SLFN13: variants seen among roughly 807,000 people sequenced by gnomAD.
SLFN13 encodes the protein schlafen-13.
A neutral mutation model predicts 50.6 loss-of-function variants in SLFN13; 43 were observed. The observed-to-expected ratio is 0.85, with a 90% CI of 0.67 to 1.09. SLFN13 has a LOEUF of 1.09. Ranked by LOEUF, SLFN13 falls within the 50% of genes least tolerant of loss-of-function variation. The probability of loss-of-function intolerance (pLI) is 0.00; values close to 1 mark genes in which losing one functional copy is unlikely to be tolerated. For synonymous variants in SLFN13, 339 were observed against 386.5 expected, an observed-to-expected ratio of 0.88 and a Z score of 1.44; for missense variants, 881 against 1,071.1, an observed-to-expected ratio of 0.82 and a Z score of 2.48.
rs913845193 is a variant in SLFN13, at chr17:35,437,687, A to G, written c.*2908T>C. ...AGACTACAAGGACAGATCTGTGAGC[A>G]TTCCTGGAATTCTCAGAAATCTTAA... On this transcript the variant is annotated 3_prime_UTR_variant, in exon 6 of 6. Transcript: ENST00000285013. 6.6e-6 allele frequency: 1 copy of G among 152,152 alleles called. No homozygotes were observed. Among genetic ancestry groups the G allele is most frequent in the East Asian group, 1.9e-4 (1 of 5,198 alleles). The allele number at this position is 152,152 out of a possible 1,614,324, so 9.4% of individuals were successfully genotyped here.
intron 1 of SLFN13, among the ~76,000 whole-genome samples, chr17:35,448,042 A>ATATTATTAT (rs11275064): frequency 0.012 from 1,725 of 146,766 alleles, 23 homozygotes; most frequent in African/African-American, 0.026. Flanking sequence ...TATTAGTATT[A>ATATTATTAT]TATTATTATT....
In SLFN13 at chr17:35,439,480, T is replaced by TTTC. The variant is rs3056654; in HGVS notation, c.*1112_*1114dup. 91,775 of 151,294 alleles carry TTTC rather than the reference T, an allele frequency of 0.61. 29,268 individuals carry two copies. Among genetic ancestry groups the TTTC allele is most frequent in the African/African-American group, 0.81 (33,224 of 41,212 alleles). The allele number at this position is 151,294 out of a possible 1,614,324, so 9.4% of individuals were successfully genotyped here. On this transcript the variant is annotated 3_prime_UTR_variant, in exon 6 of 6. Coordinates refer to ENST00000285013, the MANE Select transcript of SLFN13 (RefSeq NM_144682.6). The stretch of plus-strand genomic sequence containing the variant: ...AACAACATAAACTCACTGCATTTTT[T>TTTC]TTCTTCTTCTTCTTTTTGAGACAGT...
chr17:35,447,256 C>G lies in SLFN13; in HGVS notation c.-14+12G>C, dbSNP rs963847673. On this transcript the variant is annotated intron_variant, in intron 2 of 5. Coordinates refer to ENST00000285013, the MANE Select transcript of SLFN13 (RefSeq NM_144682.6). The stretch of plus-strand genomic sequence containing the variant: ...AATTGAGAATTCAGGTGAAAAAAAT[C>G]AGGAAGCTTACCAATATATTTAACA... The G allele has an allele frequency of 3.9e-5, 6 of 152,176 alleles. No individual in the cohort carries two copies. Among genetic ancestry groups the G allele is most frequent in the Non-Finnish European group, 7.3e-5 (5 of 68,028 alleles). 9.4% of individuals were successfully genotyped at this position (152,176 alleles called of 1,614,324 possible).
chr17:35,448,886 G>C (rs1352413963), upstream of SLFN13: 1 of 152,406 alleles, frequency 6.6e-6, no homozygotes, highest in South Asian at 2.1e-4. Context: ...CAATGGGAGT[G>C]TCTACAAAGC....
In SLFN13 at chr17:35,440,812, A is replaced by G. The variant is rs1220652943; in HGVS notation, c.2477T>C (p.Leu826Pro). Residue 826 changes from leucine to proline, a missense_variant, in exon 6 of 6, where the codon CTC becomes CCC. Leu to Pro is a moderately conservative substitution (Grantham distance 98). Transcript: ENST00000285013. Reference protein sequence around the residue: ...VTEVEQYQSKLLKAMRKKMVV... With the variant: ...VTEVEQYQSKPLKAMRKKMVV... ...CATTTTCTTCCTCATTGCTTTCAAG[A>G]GCTTAGACTGATACTGCTCCACTTC... 2 of 1,613,990 alleles carry G rather than the reference A, an allele frequency of 1.2e-6. No homozygotes were observed. Among genetic ancestry groups the G allele is most frequent in the Non-Finnish European group, 1.7e-6 (2 of 1,180,014 alleles).
At chr17:35,444,053 T>C (rs1043526195) in intron 3 of SLFN13, 133 bp from the exon 4 acceptor site, 74 of 788,310 alleles carry the variant, frequency 9.4e-5, no homozygotes, top group Non-Finnish European at 1.2e-4. Context: ...CTTTACCCTT[T>C]CTTGACTCTA....
At position 35,447,416 on chromosome 17, in the gene SLFN13, T is replaced by C. The variant is rs1267174795; in HGVS notation, c.-160-2A>G. 6.6e-6 allele frequency: 1 copy of C among 152,218 alleles called. No homozygotes were observed. The highest frequency in any genetic ancestry group is 1.5e-5 in the Non-Finnish European group (1 of 68,030). 9.4% of individuals were successfully genotyped at this position (152,218 alleles called of 1,614,324 possible). A position where few individuals can be genotyped will look rare whatever the true frequency, so the allele number is the denominator to read the frequency against. On this transcript the variant is annotated splice_acceptor_variant, in intron 1 of 5. Transcript: ENST00000285013. LOFTEE classifies it low-confidence loss of function (5UTR_SPLICE). ...CCACCAAAATCAGTCCTGAAAGACC[T>C]GTATGCAGAAACATGTAGAGAGAGG... is the stretch of plus-strand genomic sequence containing the variant.
At position 35,443,924 on chromosome 17, in the gene SLFN13, A is replaced by T. The variant is rs761664516; in HGVS notation, c.1067-4T>A. ...TCAGCAAAGTCTGGAGGAAACTCTG[A>T]AAGAAAGAACATTTTAATTTACACT... On this transcript the variant is annotated splice_polypyrimidine_tract_variant and splice_region_variant and intron_variant, in intron 3 of 5. Coordinates refer to ENST00000285013, the MANE Select transcript of SLFN13 (RefSeq NM_144682.6). 30 of 1,612,232 alleles carry T rather than the reference A, an allele frequency of 1.9e-5. No individual in the cohort carries two copies. In the South Asian group the frequency reaches 3.2e-4, roughly 17 times the overall value.
intron 4 of SLFN13, among the ~76,000 whole-genome samples, chr17:35,443,103 T>C (rs1468715942): frequency 1.3e-5 from 2 of 152,234 alleles, no homozygotes; most frequent in Admixed American, 6.5e-5. Context: ...ATATGTTCAA[T>C]GTATGAAGTT....
chr17:35,440,076 T>A lies in SLFN13; in HGVS notation c.*519A>T. On this transcript the variant is annotated 3_prime_UTR_variant, in exon 6 of 6. Coordinates refer to ENST00000285013, the MANE Select transcript of SLFN13 (RefSeq NM_144682.6). ...GACAGTGACTGAATTATCTTGGGAC[T>A]CTCCCAAGCCCTAAATGAATACAGC... 1 of 154,216 alleles carries A rather than the reference T, an allele frequency of 6.5e-6. No individual in the cohort carries two copies. Among genetic ancestry groups the A allele is most frequent in the South Asian group, 2.0e-4 (1 of 4,900 alleles). 9.6% of individuals were successfully genotyped at this position (154,216 alleles called of 1,614,324 possible). A position where few individuals can be genotyped will look rare whatever the true frequency, so the allele number is the denominator to read the frequency against.
chr17:35,443,721 G>C, intron 4 of SLFN13, 68 bp downstream of exon 4: 1 of 1,523,346 alleles, frequency 6.6e-7, no homozygotes, highest in Non-Finnish European at 9.0e-7. Flanking sequence ...ATCTTTCATG[G>C]ATTTGTTTTC....
In SLFN13 at chr17:35,447,328, C is replaced by A. The variant is rs1913262990; in HGVS notation, c.-74G>T. 1 of 152,170 alleles carries A rather than the reference C, an allele frequency of 6.6e-6. No individual in the cohort carries two copies. The highest frequency in any genetic ancestry group is 6.5e-5 in the Admixed American group (1 of 15,278). The allele number at this position is 152,170 out of a possible 1,614,324, so 9.4% of individuals were successfully genotyped here. A position where few individuals can be genotyped will look rare whatever the true frequency, so the allele number is the denominator to read the frequency against. ...TTTACAGAATAACTTTGCTAGAATT[C>A]CTTTCTTAATGTAACCAGACTTCCC... On this transcript the variant is annotated 5_prime_UTR_variant, in exon 2 of 6. Transcript: ENST00000285013.
rs1597800326 is a variant in SLFN13 at position 35,440,556 on chromosome 17, A to G, written c.*39T>C. ...AGCAGACTGTCACCCATAGACATTT[A>G]CACAGTATTTTGGTTTGGAGTTCTT... On this transcript the variant is annotated 3_prime_UTR_variant, in exon 6 of 6. Coordinates refer to ENST00000285013, the MANE Select transcript of SLFN13 (RefSeq NM_144682.6). 2 of 1,604,140 alleles carry G rather than the reference A, an allele frequency of 1.2e-6. No individual in the cohort carries two copies. The highest frequency in any genetic ancestry group is 1.7e-6 in the Non-Finnish European group (2 of 1,172,838).
rs1312585160 is a variant in SLFN13 at position 35,437,004 on chromosome 17, T to C, written c.*3591A>G. 1 of 152,078 alleles carries C rather than the reference T, an allele frequency of 6.6e-6. No individual in the cohort carries two copies. Among genetic ancestry groups the C allele is most frequent in the Non-Finnish European group, 1.5e-5 (1 of 68,016 alleles). The allele number at this position is 152,078 out of a possible 1,614,324, so 9.4% of individuals were successfully genotyped here. ...GATGATGGTACTATAAATGTCCTTT[T>C]AGGAAACACCCACTGAAGTATTTAG... On this transcript the variant is annotated 3_prime_UTR_variant, in exon 6 of 6. Transcript: ENST00000285013.
In SLFN13 at chr17:35,440,677, C is replaced by G. The variant is rs150489784; in HGVS notation, c.2612G>C (p.Arg871Thr). Residue 871 changes from arginine (R) to threonine (T), a missense_variant, in exon 6 of 6, where the codon AGG (arginine) becomes ACG (threonine). Physicochemically the swap from Arg to Thr is moderately conservative, Grantham distance 71. Coordinates refer to ENST00000285013, the MANE Select transcript of SLFN13 (RefSeq NM_144682.6). ...ERSIVFGIHP[R>T]TADPAILPNI... ...GGGTAAGATAGCTGGGTCAGCTGTC[C>G]TTGGATGGATCCCAAACACTATGCT... 5.5e-5 allele frequency: 89 copies of G among 1,614,132 alleles called. No homozygotes were observed. The African/African-American group carries it at 1.1e-3, about 20-fold the overall frequency.
In SLFN13 at chr17:35,440,532, G is replaced by C. The variant is rs894716597; in HGVS notation, c.*63C>G. 6.4e-7 allele frequency: 1 copy of C among 1,556,832 alleles called. No homozygotes were observed. Among genetic ancestry groups the C allele is most frequent in the African/African-American group, 1.4e-5 (1 of 73,622 alleles). On this transcript the variant is annotated 3_prime_UTR_variant, in exon 6 of 6. Transcript: ENST00000285013. ...CTAAAAAGAAAGGTTTCTACCATCA[G>C]CAGACTGTCACCCATAGACATTTAC...
rs967917723 is a variant in SLFN13, at chr17:35,444,889, A to C, written c.792T>G (p.Val264=). The change falls in exon 3 of 6, where the codon GTT becomes GTG. Residue 264 remains valine (V), a synonymous_variant. Coordinates refer to ENST00000285013, the MANE Select transcript of SLFN13 (RefSeq NM_144682.6). ...RKVLGCAKEQ[V]DPDSLKNVIA... ...TTACATTTTTCAAAGAGTCAGGGTCAACCTGTTCTTTGGCACATCCCAGGA... is the reference window on the plus strand; with the variant it reads ...TTACATTTTTCAAAGAGTCAGGGTCCACCTGTTCTTTGGCACATCCCAGGA... The C allele has an allele frequency of 1.2e-6, 2 of 1,614,110 alleles. No homozygotes were observed. The highest frequency in any genetic ancestry group is 1.7e-6 in the Non-Finnish European group (2 of 1,180,040).
chr17:35,442,153 G>A lies in SLFN13; in HGVS notation c.1332C>T (p.Ser444=), dbSNP rs3098957. 210 of 1,611,318 alleles carry A rather than the reference G, an allele frequency of 1.3e-4. 1 individual carries two copies. The highest frequency in any genetic ancestry group is 9.7e-4 in the Admixed American group (58 of 59,876). ...CCTGCAAGTTCAGGTCCACAGCCCA[G>A]CTTCTAGAGAGGATCACAATTCCCT... is the stretch of plus-strand genomic sequence containing the variant. The part of the protein sequence containing the change: ...FSQGIVILSR[S]WAVDLNLQEK... The change falls in exon 5 of 6, where the codon AGC becomes AGT. Residue 444 remains serine, a synonymous_variant. Coordinates refer to ENST00000285013, the MANE Select transcript of SLFN13 (RefSeq NM_144682.6).
At position 35,441,293 on chromosome 17, in the gene SLFN13, C is replaced by T. The variant is rs377450905; in HGVS notation, c.1996G>A (p.Val666Ile). Residue 666 changes from valine (V) to isoleucine (I), a missense_variant, in exon 6 of 6, where the codon GTC becomes ATC. By Grantham distance (29) the Val-to-Ile change is conservative. Transcript: ENST00000285013. ...CGGAAATTCTGAGCTTCGTCAATGACGATGTGTTGAATGTGTTCAAATTTT... is the reference window on the plus strand; with the variant it reads ...CGGAAATTCTGAGCTTCGTCAATGATGATGTGTTGAATGTGTTCAAATTTT... Reference protein sequence around the residue: ...REKFEHIQHIVIDEAQNFRTE... With the variant: ...REKFEHIQHIIIDEAQNFRTE... 13 of 1,613,790 alleles carry T rather than the reference C, an allele frequency of 8.1e-6. No individual in the cohort carries two copies. Among genetic ancestry groups the T allele is most frequent in the Non-Finnish European group, 1.0e-5 (12 of 1,179,938 alleles).
Sources: gnomAD v4.1 joint callset for allele counts (sites outside exome capture counted in the v4.1 genomes callset) on GRCh38, gnomAD v4.1.1 for gene constraint, MANE v1.5 for transcripts, NCBI Gene and HGNC (gene_info 2026-07-23, HGNC 2026-07-21) for gene names.